The following CIDEC variants were observed in gnomAD, a reference collection of about 807,000 sequenced individuals.
The protein encoded by CIDEC is cell death inducing DFFA like effector c.
CIDEC carries 11 observed loss-of-function variants against 21.9 expected under a neutral mutation model. That is an observed-to-expected ratio of 0.50 (90% CI 0.32 to 0.83). The LOEUF (loss-of-function observed/expected upper bound fraction) is 0.83, where lower values mean the gene tolerates loss of function less well. Ranked by LOEUF, CIDEC falls within the 40% of genes least tolerant of loss-of-function variation. The pLI, the probability that CIDEC is intolerant of heterozygous loss-of-function variation, is 0.04. For missense variants in CIDEC, 302 were observed against 302.3 expected (o/e 1.00, Z 0.01); for synonymous variants, 127 against 124.9 (o/e 1.02, Z -0.11).
intron 4 of CIDEC, among the ~76,000 whole-genome samples, chr3:9,871,487 T>C (rs966032272): frequency 4.0e-5 from 6 of 150,970 alleles, no homozygotes; most frequent in Non-Finnish European, 5.9e-5. Flanking sequence ...ACAATGGGCC[T>C]ATGTTTAACT....
Position 9,866,775 on chromosome 3 carries a change from C to T in CIDEC, c.*359G>A, listed in dbSNP as rs1461951817. 1.8e-6 allele frequency: 1 copy of T among 546,240 alleles called. No homozygotes were observed. Among genetic ancestry groups the T allele is most frequent in the Non-Finnish European group, 3.3e-6 (1 of 303,802 alleles). 33.8% of individuals were successfully genotyped at this position (546,240 alleles called of 1,614,324 possible). ...ACATGCTAGTGCGCTTGCGAATTCACTCAGGAATGTTCCGGGATGGGGGCC... is the reference window on the plus strand; with the variant it reads ...ACATGCTAGTGCGCTTGCGAATTCATTCAGGAATGTTCCGGGATGGGGGCC... On this transcript the variant is annotated 3_prime_UTR_variant, in exon 7 of 7. Coordinates refer to ENST00000336832, the MANE Select transcript of CIDEC (RefSeq NM_001321142.2).
chr3:9,875,194 T>A (rs1458244878), intron 4 of CIDEC, among the ~76,000 whole-genome samples: 10 of 151,318 alleles, frequency 6.6e-5, no homozygotes, highest in Admixed American at 6.6e-4. Flanking sequence ...GCTAACACGG[T>A]GAAACCCCGT....
chr3:9,870,950 C>CT (rs200670875), intron 4 of CIDEC, among the ~76,000 whole-genome samples: 193 of 142,788 alleles, frequency 1.4e-3, no homozygotes, highest in African/African-American at 2.2e-3. Flanking sequence ...ATAATTCATT[C>CT]TTTTTTTTTT....
intron 4 of CIDEC, among the ~76,000 whole-genome samples, chr3:9,876,190 G>A (rs1490689646): frequency 6.6e-6 from 1 of 152,216 alleles, no homozygotes; most frequent in East Asian, 1.9e-4. Flanking sequence ...GATGATCAGT[G>A]AGGACAGGCA....
At chr3:9,878,766 C>T (rs1012144171) in intron 2 of CIDEC, 176 bp downstream of exon 2, 2 of 1,536,226 alleles carry the variant, frequency 1.3e-6, no homozygotes, top group African/African-American at 2.7e-5. Context: ...GCTCCTGCCC[C>T]AGTCCCACTC....
At chr3:9,874,554 T>TAAG (rs1404249870) in intron 4 of CIDEC, among the ~76,000 whole-genome samples, 1 of 132,458 alleles carries the variant, frequency 7.5e-6, no homozygotes, top group African/African-American at 2.8e-5. Context: ...ATAATAATAA[T>TAAG]AAGTGAATAC....
intron 4 of CIDEC, among the ~76,000 whole-genome samples, chr3:9,871,511 A>G (rs2082347692): frequency 6.6e-6 from 1 of 151,994 alleles, no homozygotes; most frequent in South Asian, 2.1e-4. Flanking sequence ...AGGAGGTGCC[A>G]AACTGTTTTC....
intron 4 of CIDEC, among the ~76,000 whole-genome samples, chr3:9,876,198 G>A (rs1429187261): frequency 5.3e-5 from 8 of 152,378 alleles, no homozygotes; most frequent in Admixed American, 2.6e-4. Context: ...GTGAGGACAG[G>A]CATGGTGGCT....
At chr3:9,875,970 G>A (rs462378) in intron 4 of CIDEC, among the ~76,000 whole-genome samples, 112,874 of 152,140 alleles carry the variant, frequency 0.74, 42,290 homozygotes, top group Middle Eastern at 0.82. Flanking sequence ...TGTAGTCTGC[G>A]CAGCCAGAAG....
At chr3:9,868,285 T>A (rs2082300310) in intron 6 of CIDEC, among the ~76,000 whole-genome samples, 1 of 152,236 alleles carries the variant, frequency 6.6e-6, no homozygotes, top group Non-Finnish European at 1.5e-5. Context: ...ATAACATGGT[T>A]CTGCACCTTG....
At chr3:9,876,915 T>G in intron 4 of CIDEC, 151 bp downstream of exon 4, 1 of 674,818 alleles carries the variant, frequency 1.5e-6, no homozygotes, top group South Asian at 1.7e-5. Flanking sequence ...CAGTCATTGC[T>G]AATTAGTTGG....
At chr3:9,879,929 A>G (rs576858696) in intron 1 of CIDEC, among the ~76,000 whole-genome samples, 1 of 152,220 alleles carries the variant, frequency 6.6e-6, no homozygotes, top group Non-Finnish European at 1.5e-5. Context: ...AAGGGGCACA[A>G]GGGGTGGACA....
At chr3:9,870,681 A>G (rs2082336122) in intron 4 of CIDEC, among the ~76,000 whole-genome samples, 1 of 152,354 alleles carries the variant, frequency 6.6e-6, no homozygotes, top group East Asian at 1.9e-4. Flanking sequence ...TATCATAAGC[A>G]TAAGTAGAGA....
At position 9,867,005 on chromosome 3, in the gene CIDEC, G is replaced by T. The variant is rs2082278195; in HGVS notation, c.*129C>A. On this transcript the variant is annotated 3_prime_UTR_variant, in exon 7 of 7. Coordinates refer to ENST00000336832, the MANE Select transcript of CIDEC (RefSeq NM_001321142.2). ...TTCCAGCTCCTCCTCCTCACTCAGG[G>T]TCCTGCGCGGTGAGGGAGGTGTGGG... 3 of 1,020,728 alleles carry T rather than the reference G, an allele frequency of 2.9e-6. No homozygotes were observed. The highest frequency in any genetic ancestry group is 4.7e-6 in the Non-Finnish European group (3 of 644,008). 63.2% of individuals were successfully genotyped at this position (1,020,728 alleles called of 1,614,324 possible).
chr3:9,873,055 T>G (rs868840586), intron 4 of CIDEC, among the ~76,000 whole-genome samples: 11 of 151,874 alleles, frequency 7.2e-5, no homozygotes, highest in African/African-American at 2.7e-4. Context: ...TTTTGTTTTG[T>G]TTTGGTTTTG....
chr3:9,878,551 G>A, intron 2 of CIDEC, 40 bp from the exon 3 acceptor site: 1 of 1,555,360 alleles, frequency 6.4e-7, no homozygotes, highest in Non-Finnish European at 8.9e-7. Flanking sequence ...GGTGAGATGA[G>A]AGGGTTCCCA....
chr3:9,877,043 G>T, intron 4 of CIDEC, 23 bp downstream of exon 4: 1 of 1,545,294 alleles, frequency 6.5e-7, no homozygotes, highest in Non-Finnish European at 8.8e-7. Context: ...CAGCTGGGCT[G>T]TGCAACGCGC....
rs778708304 is a variant in CIDEC, at chr3:9,870,188, C to A, written c.342G>T (p.Gln114His). The part of the protein sequence containing the change: ...DTVFMVLQKG[Q>H]KWQPPSEQGT... ...CCTGTTCTGATGGGGGCTGCCATTT[C>A]TGCCCCTTCTGGAGGACCATGAACA... Residue 114 changes from glutamine (Q) to histidine (H), a missense_variant, in exon 5 of 7, where the codon CAG (glutamine) becomes CAT (histidine). Physicochemically the swap from Gln to His is conservative, Grantham distance 24. Transcript: ENST00000336832. 19 of 1,614,112 alleles carry A rather than the reference C, an allele frequency of 1.2e-5. No individual in the cohort carries two copies. The African/African-American group carries it at 2.5e-4, about 22-fold the overall frequency.
intron 4 of CIDEC, among the ~76,000 whole-genome samples, chr3:9,874,066 C>A (rs895572164): frequency 6.6e-6 from 1 of 152,098 alleles, no homozygotes; most frequent in Non-Finnish European, 1.5e-5. Context: ...CCTGTAATAC[C>A]TTGTTGCACC....
Sources: gnomAD v4.1 joint callset for allele counts (sites outside exome capture counted in the v4.1 genomes callset) on GRCh38, gnomAD v4.1.1 for gene constraint, MANE v1.5 for transcripts, NCBI Gene and HGNC (gene_info 2026-07-23, HGNC 2026-07-21) for gene names.